RNF19A: variants seen among roughly 807,000 people sequenced by gnomAD.
RNF19A encodes the protein E3 ubiquitin-protein ligase RNF19A.
In RNF19A, 32 loss-of-function variants were observed where a neutral mutation model predicts 75.7. That is an observed-to-expected ratio of 0.42 (90% CI 0.32 to 0.57). The LOEUF (loss-of-function observed/expected upper bound fraction) is 0.57. Ranked by LOEUF, RNF19A falls within the 20% of genes least tolerant of loss-of-function variation. The pLI is 0.10. For synonymous variants in RNF19A, 335 were observed against 345.2 expected (o/e 0.97, Z 0.33); for missense variants, 782 against 1,036.3 (o/e 0.75, Z 3.37).
At chr8:100,279,296 T>C (rs563750741) in intron 2 of RNF19A, among the ~76,000 whole-genome samples, 2 of 152,214 alleles carry the variant, frequency 1.3e-5, no homozygotes, top group East Asian at 3.9e-4. Flanking sequence ...AGCAAACTAA[T>C]AGCTGGTAGT....
intron 1 of RNF19A, among the ~76,000 whole-genome samples, chr8:100,295,869 G>T (rs562198498): frequency 6.6e-6 from 1 of 152,088 alleles, no homozygotes; most frequent in Non-Finnish European, 1.5e-5. Flanking sequence ...TCTCTTAACA[G>T]AGAGAAATCA....
At chr8:100,301,220 C>T (rs1381123233) in intron 1 of RNF19A, among the ~76,000 whole-genome samples, 4 of 152,212 alleles carry the variant, frequency 2.6e-5, no homozygotes, top group Non-Finnish European at 4.4e-5. Context: ...TCCTTCACCA[C>T]AGAAAGTTCT....
intron 1 of RNF19A, among the ~76,000 whole-genome samples, chr8:100,334,713 C>T (rs1310196082): frequency 6.6e-6 from 1 of 152,140 alleles, no homozygotes; most frequent in African/African-American, 2.4e-5. Flanking sequence ...AGACCCAGCC[C>T]CGCTGGCGTG....
chr8:100,261,546 T>TA lies in RNF19A; in HGVS notation c.1677dup (p.Asn560Ter). 1 of 1,613,932 alleles carries TA rather than the reference T, an allele frequency of 6.2e-7. No homozygotes were observed. Among genetic ancestry groups the TA allele is most frequent in the East Asian group, 2.2e-5 (1 of 44,874 alleles). On this transcript the variant is annotated frameshift_variant, in exon 8 of 10. Coordinates refer to ENST00000341084, the MANE Select transcript of RNF19A (RefSeq NM_183419.4). LOFTEE classifies it high-confidence loss of function. This position sits in a 1 kb window ranked among gnomAD's most constrained non-coding sequence, Gnocchi z 4.4. ...AAACCAAACCAAAACACACACCTGT[T>TA]AAAACAGTTTACCATGGCACTTCCT... is the stretch of plus-strand genomic sequence containing the variant.
intron 1 of RNF19A, among the ~76,000 whole-genome samples, chr8:100,308,449 A>T (rs896077446): frequency 5.3e-5 from 8 of 152,198 alleles, no homozygotes; most frequent in Non-Finnish European, 1.2e-4. Flanking sequence ...CTAAATAGAG[A>T]AGTATTTACA....
chr8:100,306,830 T>C (rs1159733075), intron 1 of RNF19A, among the ~76,000 whole-genome samples: 1 of 152,074 alleles, frequency 6.6e-6, no homozygotes, highest in Non-Finnish European at 1.5e-5. Flanking sequence ...TGGCATGGCT[T>C]AAAAAAAGAA....
chr8:100,288,765 A>G (rs374552138), intron 1 of RNF19A, among the ~76,000 whole-genome samples: 10 of 152,320 alleles, frequency 6.6e-5, no homozygotes, highest in African/African-American at 2.4e-4. Flanking sequence ...GTAGTCAAGA[A>G]AAAGTCCCAT....
At chr8:100,310,057 T>G, upstream of RNF19A, 3 of 985,480 alleles carry the variant, frequency 3.0e-6, no homozygotes, top group South Asian at 1.4e-4. Flanking sequence ...CCTCCGCAGT[T>G]GTGGCTCGAC....
chr8:100,319,718 T>A (rs1336912894), intron 1 of RNF19A, among the ~76,000 whole-genome samples: 1 of 151,660 alleles, frequency 6.6e-6, no homozygotes, highest in Non-Finnish European at 1.5e-5. Context: ...TTAGTAGAGA[T>A]GAGGTTTCAC....
chr8:100,304,182 G>A (rs758312300), intron 1 of RNF19A, among the ~76,000 whole-genome samples: 4 of 151,910 alleles, frequency 2.6e-5, no homozygotes, highest in Non-Finnish European at 4.4e-5. Context: ...GGCTGGTCTC[G>A]AACTCCTAAC....
intron 1 of RNF19A, among the ~76,000 whole-genome samples, chr8:100,291,943 T>C (rs1219551551): frequency 1.9e-5 from 2 of 105,126 alleles, no homozygotes; most frequent in Non-Finnish European, 3.7e-5. Context: ...TTACTAGCAC[T>C]GTTGAACAGA....
chr8:100,300,743 T>A (rs1192136950), intron 1 of RNF19A: 2 of 152,184 alleles, frequency 1.3e-5, no homozygotes, highest in Non-Finnish European at 2.9e-5. Context: ...ACTATTAAAT[T>A]AGATGTATCA....
In RNF19A at chr8:100,267,335, C is replaced by T. The variant is rs148429927; in HGVS notation, c.1191+1450G>A. ...TGCAGGGTTAAAATAAGTAAAAGTA[C>T]ATACAACACCTATGACACAGTATGA... On this transcript the variant is annotated intron_variant, in intron 5 of 9. Transcript: ENST00000341084. Among the ~76,000 whole-genome samples, 646 of 152,160 alleles carry T rather than the reference C, an allele frequency of 4.2e-3. 5 individuals carry two copies. Among genetic ancestry groups the T allele is most frequent in the African/African-American group, 0.015 (612 of 41,526 alleles).
chr8:100,335,620 A>G (rs978267529), intron 1 of RNF19A, among the ~76,000 whole-genome samples: 1 of 152,254 alleles, frequency 6.6e-6, no homozygotes, highest in African/African-American at 2.4e-5. Flanking sequence ...AAGAAACTGA[A>G]CACAATTTAA....
intron 5 of RNF19A, among the ~76,000 whole-genome samples, chr8:100,265,487 T>G (rs142291451): frequency 3.9e-4 from 60 of 152,254 alleles, no homozygotes; most frequent in African/African-American, 1.3e-3. Context: ...AAGCGGTGAT[T>G]AAAAACTGGC....
rs1370827672 is a variant in RNF19A at position 100,284,990 on chromosome 8, C to G, written c.674+2511G>C. On this transcript the variant is annotated intron_variant, in intron 2 of 9. Transcript: ENST00000341084. This position sits in a 1 kb window ranked among gnomAD's most constrained non-coding sequence, Gnocchi z 4.3. ...GGCTTTACAAGTAACTTGGTTACCC[C>G]CTGAAGTTCACATCCCCTCTTCCTA... Among the ~76,000 whole-genome samples, 3 of 152,006 alleles carry G rather than the reference C, an allele frequency of 2.0e-5. No homozygotes were observed. In the East Asian group the frequency reaches 5.8e-4, roughly 29 times the overall value.
At chr8:100,326,018 A>G (rs1312393501) in intron 1 of RNF19A, among the ~76,000 whole-genome samples, 1 of 152,204 alleles carries the variant, frequency 6.6e-6, no homozygotes, top group African/African-American at 2.4e-5. Flanking sequence ...GCTATATGCT[A>G]TCTGCTATCC....
At chr8:100,267,870 GTT>G (rs1820060421) in intron 5 of RNF19A, among the ~76,000 whole-genome samples, 1 of 151,626 alleles carries the variant, frequency 6.6e-6, no homozygotes, top group Non-Finnish European at 1.5e-5. Context: ...TAGAGATGGG[GTT>G]TCACCATGTT....
chr8:100,327,113 G>C (rs1339357825), intron 1 of RNF19A, among the ~76,000 whole-genome samples: 1 of 151,988 alleles, frequency 6.6e-6, no homozygotes, highest in African/African-American at 2.4e-5. Context: ...CTTTGGTTTG[G>C]TTTTTCTGTT....
Sources: gnomAD v4.1 joint callset for allele counts (sites outside exome capture counted in the v4.1 genomes callset) on GRCh38, gnomAD v4.1.1 for gene constraint, Gnocchi (gnomAD v3.1) non-coding constraint, MANE v1.5 for transcripts, NCBI Gene and HGNC (gene_info 2026-07-23, HGNC 2026-07-21) for gene names.